Variants in GFRA3 observed in about 807,000 individuals in gnomAD.
The protein encoded by GFRA3 is GDNF family receptor alpha-3.
In GFRA3, 24 loss-of-function variants were observed where a neutral mutation model predicts 40.0. That is an observed-to-expected ratio of 0.60 (90% CI 0.43 to 0.84). GFRA3 has a LOEUF of 0.84. Ranked by LOEUF, GFRA3 falls within the 40% of genes least tolerant of loss-of-function variation. The probability of loss-of-function intolerance (pLI) is 0.00; values close to 1 mark genes in which losing one functional copy is unlikely to be tolerated. For missense variants in GFRA3, 405 were observed against 530.6 expected (o/e 0.76, Z 2.33); for synonymous variants, 203 against 213.5 (o/e 0.95, Z 0.43).
chr5:138,254,040 C>T lies in GFRA3; in HGVS notation c.889+17G>A, dbSNP rs766578577. The T allele has an allele frequency of 4.4e-6, 7 of 1,585,752 alleles. No individual in the cohort carries two copies. The highest frequency in any genetic ancestry group is 2.2e-5 in the East Asian group (1 of 44,764). On this transcript the variant is annotated intron_variant, in intron 5 of 7. Transcript: ENST00000274721. ...CCTAGCCAACATAGGGTTCCCTACA[C>T]ATGCCCCCAGCCTCACCAATCAGCC...
intron 4 of GFRA3, among the ~76,000 whole-genome samples, chr5:138,255,034 G>T (rs1477830042): frequency 6.6e-6 from 1 of 150,900 alleles, no homozygotes; most frequent in Non-Finnish European, 1.5e-5. Flanking sequence ...AGGAAGGAAG[G>T]AAGGAGAAAA....
intron 1 of GFRA3, among the ~76,000 whole-genome samples, chr5:138,271,904 TTTTTTTTTTTGTG>T (rs1755876484): frequency 8.2e-6 from 1 of 121,700 alleles, no homozygotes. Context: ...TTTTTTTTTT[TTTTTTTTTTTGTG>T]TGTGTGTGTG....
Position 138,254,130 on chromosome 5 carries a change from G to C in GFRA3, c.816C>G (p.Cys272Trp). Residue 272 changes from cysteine (C) to tryptophan (W), a missense_variant, in exon 5 of 8, where the codon TGC (cysteine) becomes TGG (tryptophan). Coordinates refer to ENST00000274721, the MANE Select transcript of GFRA3 (RefSeq NM_001496.4). ...RSRLVDFQTH[C>W]HPMDILGTCA... is the part of the protein sequence containing the mutation. The stretch of plus-strand genomic sequence containing the variant: ...AAGTTCCTAGGATGTCCATGGGATG[G>C]CAGTGGGTCTGGAAATCCACCAGGC... The C allele has an allele frequency of 1.2e-6, 2 of 1,609,226 alleles. No individual in the cohort carries two copies. Among genetic ancestry groups the C allele is most frequent in the Non-Finnish European group, 1.7e-6 (2 of 1,175,772 alleles).
intron 6 of GFRA3, 53 bp from the exon 7 acceptor site, chr5:138,253,428 C>A: frequency 8.5e-7 from 1 of 1,171,128 alleles, no homozygotes; most frequent in Non-Finnish European, 1.3e-6. Context: ...GGAGATTTCT[C>A]AGGCTCCCAA....
chr5:138,274,399 G>T lies in GFRA3; in HGVS notation c.26C>A (p.Pro9Gln). MVRPLNPR[P>Q]LPPVVLMLLL... ...CAACATCAGGACTACGGGCGGCAGCGGTCGCGGGTTCAGGGGGCGCACCAT... is the reference window on the plus strand; with the variant it reads ...CAACATCAGGACTACGGGCGGCAGCTGTCGCGGGTTCAGGGGGCGCACCAT... Residue 9 changes from proline (P) to glutamine (Q), a missense_variant, in exon 1 of 8, where the codon CCG becomes CAG. Pro to Gln is a moderately conservative substitution (Grantham distance 76). Transcript: ENST00000274721. 7.6e-7 allele frequency: 1 copy of T among 1,313,992 alleles called. No individual in the cohort carries two copies. The highest frequency in any genetic ancestry group is 9.7e-7 in the Non-Finnish European group (1 of 1,027,152). The allele number at this position is 1,313,992 out of a possible 1,614,324, so 81.4% of individuals were successfully genotyped here. A position where few individuals can be genotyped will look rare whatever the true frequency, so the allele number is the denominator to read the frequency against.
chr5:138,264,914 C>T (rs1755762146), intron 1 of GFRA3, among the ~76,000 whole-genome samples: 1 of 152,142 alleles, frequency 6.6e-6, no homozygotes, highest in Non-Finnish European at 1.5e-5. Context: ...GTATCAGAAC[C>T]AGAGAGTTGA....
rs1755656758 is a variant in GFRA3 at position 138,257,935 on chromosome 5, G to A, written c.489C>T (p.Leu163=). Residue 163 remains leucine, a synonymous_variant, in exon 4 of 8, where the codon CTC becomes CTT. Coordinates refer to ENST00000274721, the MANE Select transcript of GFRA3 (RefSeq NM_001496.4). The stretch of plus-strand genomic sequence containing the variant: ...TGAGAGTACACAGCATGGCAAACTT[G>A]AGGCAGAGGTCTGAGTCTGGGGGGA... ...NMLKPDSDLC[L]KFAMLCTLND... is the part of the protein sequence containing the mutation. 6.8e-6 allele frequency: 11 copies of A among 1,613,964 alleles called. No homozygotes were observed. The highest frequency in any genetic ancestry group is 9.3e-6 in the Non-Finnish European group (11 of 1,179,972).
At position 138,252,384 on chromosome 5, in the gene GFRA3, G is replaced by C. The variant is rs1279646307; in HGVS notation, c.*584C>G. On this transcript the variant is annotated 3_prime_UTR_variant, in exon 8 of 8. Transcript: ENST00000274721. The stretch of plus-strand genomic sequence containing the variant: ...AAATGGAAAAAGAGCAAAGTCTTAA[G>C]TCAAAGGTTTAATCATGATCCAAGA... 1 of 152,746 alleles carries C rather than the reference G, an allele frequency of 6.5e-6. No homozygotes were observed. Among genetic ancestry groups the C allele is most frequent in the African/African-American group, 2.4e-5 (1 of 41,446 alleles). The allele number at this position is 152,746 out of a possible 1,614,324, so 9.5% of individuals were successfully genotyped here. A position where few individuals can be genotyped will look rare whatever the true frequency, so the allele number is the denominator to read the frequency against.
chr5:138,263,620 A>G (rs1264667179), intron 2 of GFRA3, among the ~76,000 whole-genome samples: 3 of 152,232 alleles, frequency 2.0e-5, no homozygotes, highest in Non-Finnish European at 1.5e-5. Context: ...ACGAGAAGGG[A>G]ACATCCCAGA....
At chr5:138,257,972 G>A in intron 3 of GFRA3, 21 bp from the exon 4 acceptor site, 1 of 1,608,226 alleles carries the variant, frequency 6.2e-7, no homozygotes, top group Non-Finnish European at 8.5e-7. Context: ...AGGGCACGGA[G>A]TCAGTCGGCT....
Position 138,264,241 on chromosome 5 carries a change from C to T in GFRA3, c.379+20G>A. 1 of 1,570,062 alleles carries T rather than the reference C, an allele frequency of 6.4e-7. No homozygotes were observed. Among genetic ancestry groups the T allele is most frequent in the South Asian group, 1.2e-5 (1 of 85,880 alleles). ...GAGCCATCTTCCCCAGCTTAGTCCA[C>T]TCTATAATGGGAGCCTCACCAAGGC... On this transcript the variant is annotated intron_variant, in intron 2 of 7. Transcript: ENST00000274721.
chr5:138,259,799 G>GAAA (rs1222789436), intron 2 of GFRA3, 150 bp from the exon 3 acceptor site: 1 of 657,516 alleles, frequency 1.5e-6, no homozygotes, highest in Non-Finnish European at 2.8e-6. Context: ...GCAAAGATGA[G>GAAA]AAAAATGCAG....
At chr5:138,263,942 A>G (rs7706366) in intron 2 of GFRA3, among the ~76,000 whole-genome samples, 8,603 of 152,040 alleles carry the variant, frequency 0.057, 377 homozygotes, top group African/African-American at 0.11. Context: ...ATGGGTTAAG[A>G]CTTTTTTCTC....
chr5:138,259,722 G>T, intron 2 of GFRA3, 73 bp from the exon 3 acceptor site: 1 of 783,652 alleles, frequency 1.3e-6, no homozygotes, highest in Non-Finnish European at 2.4e-6. Context: ...GAAGCTGCTG[G>T]CTCAGACCTC....
At chr5:138,269,163 A>G (rs1456349621) in intron 1 of GFRA3, among the ~76,000 whole-genome samples, 1 of 152,196 alleles carries the variant, frequency 6.6e-6, no homozygotes, top group East Asian at 1.9e-4. Flanking sequence ...GGATGCGGTG[A>G]TCAGGGAACA....
At chr5:138,253,167 C>G in intron 7 of GFRA3, 110 bp from the exon 8 acceptor site, 1 of 846,132 alleles carries the variant, frequency 1.2e-6, no homozygotes, top group East Asian at 2.6e-5. Flanking sequence ...CATTAGAGGT[C>G]TCTAGTATTC....
rs962342397 is a variant in GFRA3 at position 138,252,861 on chromosome 5, C to T, written c.*107G>A. Reference sequence around the variant, plus strand: ...TAACCCTTAGCTTCTCCTGTGCCCTCATCTGCGCACTGCACCTCCTTCCTG... The same window carrying T: ...TAACCCTTAGCTTCTCCTGTGCCCTTATCTGCGCACTGCACCTCCTTCCTG... On this transcript the variant is annotated 3_prime_UTR_variant, in exon 8 of 8. Transcript: ENST00000274721. The T allele has an allele frequency of 6.0e-6, 4 of 664,906 alleles. No individual in the cohort carries two copies. The highest frequency in any genetic ancestry group is 3.6e-5 in the African/African-American group (2 of 56,106). 41.2% of individuals were successfully genotyped at this position (664,906 alleles called of 1,614,324 possible).
At position 138,260,861 on chromosome 5, in the gene GFRA3, C is replaced by G. The variant is rs1755699563; in HGVS notation, c.380-1212G>C. The stretch of plus-strand genomic sequence containing the variant: ...TGGAGAACACAGCAGGACTTCATCT[C>G]TACAAAAAATTTAGCTGGGTCCGGT... On this transcript the variant is annotated intron_variant, in intron 2 of 7. Transcript: ENST00000274721. 1.3e-5 allele frequency among the ~76,000 whole-genome samples: 2 copies of G among 151,484 alleles called. 1 individual carries two copies. The highest frequency in any genetic ancestry group is 4.9e-5 in the African/African-American group (2 of 41,230).
intron 2 of GFRA3, 67 bp downstream of exon 2, chr5:138,264,194 A>G: frequency 1.7e-6 from 2 of 1,171,746 alleles, no homozygotes; most frequent in East Asian, 4.7e-5. Context: ...CATATCCTGC[A>G]GGATTAAAAA....
Sources: allele counts gnomAD v4.1 joint callset (sites outside exome capture counted in the v4.1 genomes callset), GRCh38; gene constraint gnomAD v4.1.1; transcripts MANE v1.5; gene names NCBI Gene and HGNC (gene_info 2026-07-23, HGNC 2026-07-21).